The following UBAC2 variants were observed in gnomAD, a reference collection of about 807,000 sequenced individuals.
UBAC2 encodes the protein UBA domain containing 2, also known as ubiquitin-associated domain-containing protein 2.
A neutral mutation model predicts 44.0 loss-of-function variants in UBAC2; 26 were observed. The observed-to-expected ratio is 0.59, with a 90% CI of 0.43 to 0.82. The LOEUF is 0.82. Ranked by LOEUF, UBAC2 falls within the 40% of genes least tolerant of loss-of-function variation. The probability of loss-of-function intolerance (pLI) is 0.00; values close to 1 mark genes in which losing one functional copy is unlikely to be tolerated. For missense variants in UBAC2, 329 were observed against 419.4 expected, an observed-to-expected ratio of 0.78 and a Z score of 1.88; for synonymous variants, 155 against 154.3, an observed-to-expected ratio of 1.00 and a Z score of -0.04.
chr13:99,303,392 A>G (rs2138737319), intron 4 of UBAC2, among the ~76,000 whole-genome samples: 1 of 152,316 alleles, frequency 6.6e-6, no homozygotes, highest in South Asian at 2.1e-4. Flanking sequence ...CCACTTGCAC[A>G]TTTGGGGTTT....
intron 1 of UBAC2, among the ~76,000 whole-genome samples, chr13:99,226,937 G>T (rs1014431407): frequency 2.6e-5 from 4 of 152,164 alleles, no homozygotes; most frequent in African/African-American, 9.7e-5. Context: ...GGTGGCTCAT[G>T]CCTGTAATCC....
intron 6 of UBAC2, among the ~76,000 whole-genome samples, chr13:99,339,216 AT>A (rs2044847528): frequency 1.3e-5 from 2 of 152,166 alleles, no homozygotes; most frequent in South Asian, 4.1e-4. Flanking sequence ...CCAAAATGTT[AT>A]TTCCCCAGTT....
At chr13:99,261,225 C>A (rs2043656534) in intron 4 of UBAC2, among the ~76,000 whole-genome samples, 1 of 152,270 alleles carries the variant, frequency 6.6e-6, no homozygotes, top group Admixed American at 6.5e-5. Context: ...CACAGCCAGT[C>A]CCCAGGGAGA....
chr13:99,273,116 TA>T (rs1167013821), intron 4 of UBAC2, among the ~76,000 whole-genome samples: 3 of 152,160 alleles, frequency 2.0e-5, no homozygotes, highest in African/African-American at 7.2e-5. Flanking sequence ...GAGATATTAA[TA>T]TTTTCTTTTA....
chr13:99,255,892 CATG>C, intron 4 of UBAC2: 1 of 1,514,246 alleles, frequency 6.6e-7, no homozygotes, highest in Non-Finnish European at 8.8e-7. Flanking sequence ...TGTTGGTAGG[CATG>C]ATACTTAGAA....
intron 4 of UBAC2, among the ~76,000 whole-genome samples, chr13:99,297,124 A>G (rs9517676): frequency 0.14 from 20,898 of 152,148 alleles, 1,678 homozygotes; most frequent in East Asian, 0.32. Context: ...ATTCTTTCCA[A>G]TTCTTTTCTT....
chr13:99,229,827 G>A (rs190357137), intron 1 of UBAC2, among the ~76,000 whole-genome samples: 74 of 152,282 alleles, frequency 4.9e-4, no homozygotes, highest in African/African-American at 1.7e-3. Flanking sequence ...TAGTAAAACA[G>A]TATACTGTAA....
chr13:99,374,169 CAG>C (rs1217241375), intron 8 of UBAC2, among the ~76,000 whole-genome samples: 1 of 152,124 alleles, frequency 6.6e-6, no homozygotes, highest in Admixed American at 6.6e-5. Context: ...AAGAAGGAAA[CAG>C]AGCAATAGAA....
intron 4 of UBAC2, among the ~76,000 whole-genome samples, chr13:99,313,824 G>T (rs2044448018): frequency 6.6e-6 from 1 of 152,168 alleles, no homozygotes; most frequent in Non-Finnish European, 1.5e-5. Flanking sequence ...AGAAAACATA[G>T]CCTCCACTTT....
intron 8 of UBAC2, among the ~76,000 whole-genome samples, chr13:99,369,842 A>G (rs2045382002): frequency 6.6e-6 from 1 of 152,258 alleles, no homozygotes; most frequent in Non-Finnish European, 1.5e-5. Flanking sequence ...TCCTTGTAAC[A>G]TATGCAGTTA....
intron 4 of UBAC2, among the ~76,000 whole-genome samples, chr13:99,265,896 G>A (rs7994398): frequency 0.81 from 123,838 of 152,146 alleles, 51,010 homozygotes; most frequent in Middle Eastern, 0.91. Flanking sequence ...AAGTTAAAAA[G>A]GTTTCGTATC....
intron 4 of UBAC2, 129 bp from the exon 5 acceptor site, chr13:99,313,968 C>G: frequency 3.7e-6 from 3 of 811,044 alleles, no homozygotes; most frequent in Non-Finnish European, 5.6e-6. Context: ...ATTTGAAAAT[C>G]AATATGTATA....
chr13:99,250,813 C>G (rs2043449106), intron 4 of UBAC2, among the ~76,000 whole-genome samples: 1 of 151,902 alleles, frequency 6.6e-6, no homozygotes, highest in Non-Finnish European at 1.5e-5. Flanking sequence ...GTGGTGTGAT[C>G]TTGGCTCACT....
intron 7 of UBAC2, among the ~76,000 whole-genome samples, chr13:99,344,862 A>G (rs1046839140): frequency 6.6e-6 from 1 of 152,224 alleles, no homozygotes; most frequent in Non-Finnish European, 1.5e-5. Flanking sequence ...GGCACAAAAT[A>G]AATGAAGAAC....
rs115556014 is a variant in UBAC2, at chr13:99,369,718, A to G, written c.927+1812A>G. Reference sequence around the variant, plus strand: ...TTACTAATTATAAAGGAAAACCGTAATTCTACAGAAGAGAAATTGGACACC... The same window carrying G: ...TTACTAATTATAAAGGAAAACCGTAGTTCTACAGAAGAGAAATTGGACACC... On this transcript the variant is annotated intron_variant, in intron 8 of 8. Coordinates refer to ENST00000403766, the MANE Select transcript of UBAC2 (RefSeq NM_001144072.2). 2.9e-3 allele frequency among the ~76,000 whole-genome samples: 447 copies of G among 152,338 alleles called. 2 individuals carry two copies. Among genetic ancestry groups the G allele is most frequent in the African/African-American group, 0.01 (434 of 41,580 alleles).
chr13:99,203,059 A>G (rs9517648), intron 1 of UBAC2, among the ~76,000 whole-genome samples: 83,316 of 151,248 alleles, frequency 0.55, 25,163 homozygotes, highest in Non-Finnish European at 0.7. Context: ...TTATTTATTG[A>G]GATGGAGTCT....
chr13:99,217,546 C>T (rs1255193993), intron 1 of UBAC2, among the ~76,000 whole-genome samples: 2 of 152,108 alleles, frequency 1.3e-5, no homozygotes, highest in Non-Finnish European at 2.9e-5. Flanking sequence ...TGGTTGAGTC[C>T]GACTTCTTGG....
intron 4 of UBAC2, among the ~76,000 whole-genome samples, chr13:99,301,135 G>A (rs2044251119): frequency 6.6e-6 from 1 of 152,144 alleles, no homozygotes; most frequent in African/African-American, 2.4e-5. Context: ...CTAATGAAAA[G>A]ATGCACGTGG....
chr13:99,350,681 T>C (rs1453700642), intron 7 of UBAC2, among the ~76,000 whole-genome samples: 1 of 152,244 alleles, frequency 6.6e-6, no homozygotes, highest in Admixed American at 6.5e-5. Flanking sequence ...TGTCAGTGTT[T>C]CCCTGAGTTC....
Sources: allele counts gnomAD v4.1 joint callset (sites outside exome capture counted in the v4.1 genomes callset), GRCh38; gene constraint gnomAD v4.1.1; transcripts MANE v1.5; gene names NCBI Gene and HGNC (gene_info 2026-07-23, HGNC 2026-07-21).